The following SLAIN2 variants were observed in gnomAD, a reference collection of about 807,000 sequenced individuals.
SLAIN2 encodes SLAIN family member 2.
In SLAIN2, 31 loss-of-function variants were observed where a neutral mutation model predicts 56.6. The observed-to-expected ratio is 0.55, with a 90% CI of 0.41 to 0.74. SLAIN2 has a LOEUF of 0.74. Among genes scored for constraint, SLAIN2 ranks in the 30% least tolerant of loss-of-function variants. SLAIN2 has a pLI of 0.00. For synonymous variants in SLAIN2, 317 were observed against 284.9 expected, an observed-to-expected ratio of 1.11 and a Z score of -1.13; for missense variants, 777 against 754.2, an observed-to-expected ratio of 1.03 and a Z score of -0.35.
chr4:48,424,469 T>C lies in SLAIN2; in HGVS notation c.*2392T>C, dbSNP rs915684315. The C allele has an allele frequency of 1.1e-4, 16 of 152,198 alleles. No homozygotes were observed. Among genetic ancestry groups the C allele is most frequent in the Non-Finnish European group, 1.5e-4 (10 of 68,002 alleles). 9.4% of individuals were successfully genotyped at this position (152,198 alleles called of 1,614,324 possible). On this transcript the variant is annotated 3_prime_UTR_variant, in exon 8 of 8. Transcript: ENST00000264313. Reference sequence around the variant, plus strand: ...GCCAACAGCCCAGAATTGTCACTTATATGTAAGCAGAAAACAATGAGCTCT... The same window carrying C: ...GCCAACAGCCCAGAATTGTCACTTACATGTAAGCAGAAAACAATGAGCTCT...
chr4:48,410,765 AC>A (rs1248046693), intron 6 of SLAIN2, among the ~76,000 whole-genome samples: 1 of 152,086 alleles, frequency 6.6e-6, no homozygotes, highest in Non-Finnish European at 1.5e-5. Flanking sequence ...TTATCTGTGG[AC>A]CCCTGCATGC....
In SLAIN2 at chr4:48,419,166, G is replaced by C. The variant is rs574808451; in HGVS notation, c.1361-959G>C. Among the ~76,000 whole-genome samples, 4 of 151,380 alleles carry C rather than the reference G, an allele frequency of 2.6e-5. No homozygotes were observed. The East Asian group carries it at 7.8e-4, about 29-fold the overall frequency. ...TGCCCAGGCTGGAATGCAGTACCGC[G>C]ATCCCCGCTTATTGCAACCTCCGCC... On this transcript the variant is annotated intron_variant, in intron 6 of 7. Transcript: ENST00000264313.
At chr4:48,380,640 T>C (rs930293339) in intron 4 of SLAIN2, among the ~76,000 whole-genome samples, 3 of 152,184 alleles carry the variant, frequency 2.0e-5, no homozygotes, top group Non-Finnish European at 2.9e-5. Flanking sequence ...AAGGTACTTA[T>C]TCTTGCCAGT....
At chr4:48,413,304 A>C (rs1421759059) in intron 6 of SLAIN2, among the ~76,000 whole-genome samples, 1 of 151,888 alleles carries the variant, frequency 6.6e-6, no homozygotes, top group Non-Finnish European at 1.5e-5. Context: ...CTGATCTGGG[A>C]ATCTGGAGAC....
In SLAIN2 at chr4:48,425,993, G is replaced by A. The variant is rs1423239166; in HGVS notation, c.*3916G>A. 2 of 152,014 alleles carry A rather than the reference G, an allele frequency of 1.3e-5. No individual in the cohort carries two copies. Among genetic ancestry groups the A allele is most frequent in the Non-Finnish European group, 2.9e-5 (2 of 67,998 alleles). 9.4% of individuals were successfully genotyped at this position (152,014 alleles called of 1,614,324 possible). On this transcript the variant is annotated 3_prime_UTR_variant, in exon 8 of 8. Coordinates refer to ENST00000264313, the MANE Select transcript of SLAIN2 (RefSeq NM_020846.2). Reference sequence around the variant, plus strand: ...AAAAAAATCTGTTTCTTCTGATTTCGAAAGTAATAGAAACTCTGCTGTAGA... The same window carrying A: ...AAAAAAATCTGTTTCTTCTGATTTCAAAAGTAATAGAAACTCTGCTGTAGA...
intron 1 of SLAIN2, among the ~76,000 whole-genome samples, chr4:48,348,955 T>C (rs774256336): frequency 4.6e-5 from 7 of 152,228 alleles, no homozygotes; most frequent in Admixed American, 2.0e-4. Flanking sequence ...TAATTTACTT[T>C]TTTCCTAGAT....
chr4:48,354,541 A>T (rs1715104970), intron 1 of SLAIN2, among the ~76,000 whole-genome samples: 1 of 151,754 alleles, frequency 6.6e-6, no homozygotes, highest in Non-Finnish European at 1.5e-5. Flanking sequence ...ATCTCAGCTC[A>T]CTGCAACTTT....
At chr4:48,391,979 A>G (rs1716245793) in intron 6 of SLAIN2, among the ~76,000 whole-genome samples, 1 of 152,206 alleles carries the variant, frequency 6.6e-6, no homozygotes, top group South Asian at 2.1e-4. Context: ...GGAATTATCT[A>G]AATATTAAAA....
chr4:48,405,170 T>C (rs1716659342), intron 6 of SLAIN2, among the ~76,000 whole-genome samples: 1 of 152,210 alleles, frequency 6.6e-6, no homozygotes, highest in African/African-American at 2.4e-5. Context: ...TTAATTCTTA[T>C]ACGGCAAACG....
At chr4:48,353,549 C>T (rs573743787) in intron 1 of SLAIN2, among the ~76,000 whole-genome samples, 1 of 152,126 alleles carries the variant, frequency 6.6e-6, no homozygotes, top group Non-Finnish European at 1.5e-5. Context: ...CTCCACGATG[C>T]ATGAAACAAA....
intron 6 of SLAIN2, among the ~76,000 whole-genome samples, chr4:48,388,279 C>T (rs1303425451): frequency 1.3e-5 from 2 of 152,018 alleles, no homozygotes; most frequent in African/African-American, 4.8e-5. Flanking sequence ...TTGCAGAGGT[C>T]ATGGATACAT....
intron 1 of SLAIN2, among the ~76,000 whole-genome samples, chr4:48,357,161 G>A (rs1715179449): frequency 6.6e-6 from 1 of 151,134 alleles, no homozygotes; most frequent in Non-Finnish European, 1.5e-5. Flanking sequence ...CTTTTAGTTA[G>A]CTGATGGGCC....
intron 4 of SLAIN2, among the ~76,000 whole-genome samples, chr4:48,380,161 A>G (rs757738206): frequency 7.2e-5 from 11 of 152,048 alleles, no homozygotes; most frequent in Admixed American, 1.3e-4. Flanking sequence ...TTGTTAGTCT[A>G]TTACCCTTTG....
At chr4:48,409,935 G>GGACAGA (rs1203280896) in intron 6 of SLAIN2, among the ~76,000 whole-genome samples, 2 of 152,108 alleles carry the variant, frequency 1.3e-5, no homozygotes, top group African/African-American at 4.8e-5. Context: ...GTGTTTACAT[G>GGACAGA]GACAGACATG....
intron 1 of SLAIN2, among the ~76,000 whole-genome samples, chr4:48,358,057 A>G (rs1469763753): frequency 6.6e-6 from 1 of 152,156 alleles, no homozygotes; most frequent in African/African-American, 2.4e-5. Flanking sequence ...GCTATTAGGC[A>G]GTAAAGTATA....
chr4:48,414,518 GTTTTC>G (rs900454995), intron 6 of SLAIN2, among the ~76,000 whole-genome samples: 23 of 147,682 alleles, frequency 1.6e-4, no homozygotes, highest in African/African-American at 5.7e-4. Context: ...TATGTAAGTG[GTTTTC>G]TTTTCAAGCA....
At chr4:48,360,695 C>G (rs991532940) in intron 1 of SLAIN2, among the ~76,000 whole-genome samples, 14 of 152,140 alleles carry the variant, frequency 9.2e-5, no homozygotes, top group African/African-American at 3.4e-4. Context: ...CAACCATCAC[C>G]ATAATTTAGT....
chr4:48,360,983 CAAAA>C (rs750824718), intron 1 of SLAIN2, among the ~76,000 whole-genome samples: 31 of 152,294 alleles, frequency 2.0e-4, no homozygotes, highest in African/African-American at 6.3e-4. Context: ...AATACCAACT[CAAAA>C]AATTCAAACA....
intron 1 of SLAIN2, among the ~76,000 whole-genome samples, chr4:48,342,330 G>A (rs546909745): frequency 1.3e-5 from 2 of 152,354 alleles, no homozygotes; most frequent in East Asian, 3.9e-4. Context: ...CAGGGTTGTA[G>A]CTCGTTGTCC....
Sources: allele counts gnomAD v4.1 joint callset (sites outside exome capture counted in the v4.1 genomes callset), GRCh38; gene constraint gnomAD v4.1.1; transcripts MANE v1.5; gene names NCBI Gene and HGNC (gene_info 2026-07-23, HGNC 2026-07-21).